RBM19: variants seen among roughly 807,000 people sequenced by gnomAD.
The protein encoded by RBM19 is RNA binding motif protein 19.
RBM19 carries 94 observed loss-of-function variants against 116.8 expected under a neutral mutation model. That is an observed-to-expected ratio of 0.80 (90% CI 0.68 to 0.95). RBM19 has a LOEUF of 0.95. Ranked by LOEUF, RBM19 falls within the 40% of genes least tolerant of loss-of-function variation. The pLI is 0.00. For missense variants in RBM19, 1,161 were observed against 1,220.7 expected, an observed-to-expected ratio of 0.95 and a Z score of 0.73; for synonymous variants, 475 against 494.1, an observed-to-expected ratio of 0.96 and a Z score of 0.51.
At chr12:113,840,887 T>C (rs1248085352) in intron 23 of RBM19, among the ~76,000 whole-genome samples, 6 of 152,244 alleles carry the variant, frequency 3.9e-5, no homozygotes, top group Non-Finnish European at 7.3e-5. Flanking sequence ...TGTTGCTCCA[T>C]GGGCACTGCC....
At chr12:113,920,486 A>G (rs1274107966) in intron 19 of RBM19, 125 bp downstream of exon 19, 1 of 883,422 alleles carries the variant, frequency 1.1e-6, no homozygotes. Flanking sequence ...GAGATCTGGG[A>G]AAAGCAATGG....
chr12:113,876,545 C>A (rs903398805), intron 21 of RBM19, among the ~76,000 whole-genome samples: 1 of 152,116 alleles, frequency 6.6e-6, no homozygotes, highest in Non-Finnish European at 1.5e-5. Flanking sequence ...AATCCCAGCA[C>A]TTTGGGAGGC....
chr12:113,947,493 G>C (rs1231619718), intron 10 of RBM19, 29 bp from the exon 11 acceptor site: 2 of 1,572,584 alleles, frequency 1.3e-6, no homozygotes, highest in East Asian at 2.3e-5. Flanking sequence ...TCGGTCTCTG[G>C]TAGGCCGCAG....
intron 23 of RBM19, among the ~76,000 whole-genome samples, chr12:113,841,009 C>T (rs1169399855): frequency 2.0e-5 from 3 of 152,188 alleles, no homozygotes; most frequent in Admixed American, 6.5e-5. Flanking sequence ...GGGAAGGGTT[C>T]GTTAGTGCTC....
intron 20 of RBM19, among the ~76,000 whole-genome samples, chr12:113,915,944 C>A (rs1301064810): frequency 2.0e-5 from 3 of 152,210 alleles, no homozygotes; most frequent in African/African-American, 7.2e-5. Context: ...AAAATGGCAG[C>A]CCCCTCACCC....
intron 21 of RBM19, among the ~76,000 whole-genome samples, chr12:113,909,130 C>T (rs932304238): frequency 6.6e-6 from 1 of 152,034 alleles, no homozygotes; most frequent in Non-Finnish European, 1.5e-5. Context: ...TCATTTTATT[C>T]TATTTTTTTA....
intron 21 of RBM19, among the ~76,000 whole-genome samples, chr12:113,907,445 A>G (rs1256441139): frequency 6.6e-6 from 1 of 152,148 alleles, no homozygotes; most frequent in Non-Finnish European, 1.5e-5. Flanking sequence ...TGCAGAGGAG[A>G]CAGGAGGCAC....
chr12:113,907,129 G>A (rs1882105958), intron 21 of RBM19, among the ~76,000 whole-genome samples: 1 of 150,342 alleles, frequency 6.7e-6, no homozygotes, highest in African/African-American at 2.5e-5. Flanking sequence ...CATGTCTGCT[G>A]TTTAAGACCC....
In RBM19 at chr12:113,942,420, G is replaced by A. The variant is rs753304291; in HGVS notation, c.1641C>T (p.Ser547=). 2.4e-5 allele frequency: 38 copies of A among 1,606,572 alleles called. No homozygotes were observed. In the Admixed American group the frequency reaches 3.0e-4, roughly 13 times the overall value. ...CCCCCAGAGCCACGCGCACGGCCAC[G>A]CTGCCCTTGGTCTCCTGTGGAAGAG... ...SQVFDHETKG[S]VAVRVALGET... The change falls in exon 14 of 24, where the codon AGC becomes AGT. Residue 547 remains serine (S), a synonymous_variant. Transcript: ENST00000261741.
intron 17 of RBM19, among the ~76,000 whole-genome samples, chr12:113,926,339 C>T (rs2135876988): frequency 6.6e-6 from 1 of 152,324 alleles, no homozygotes; most frequent in Admixed American, 6.5e-5. Flanking sequence ...TGATGGCGAT[C>T]AGCCTGCTGT....
downstream of RBM19, chr12:113,817,987 G>C (rs1416830942): frequency 2.0e-5 from 3 of 152,112 alleles, no homozygotes; most frequent in African/African-American, 7.2e-5. Flanking sequence ...CCCACACTTT[G>C]GGAGGCCGAG....
At chr12:113,826,854 T>C (rs1197460353) in intron 23 of RBM19, among the ~76,000 whole-genome samples, 1 of 152,114 alleles carries the variant, frequency 6.6e-6, no homozygotes, top group Non-Finnish European at 1.5e-5. Context: ...CGGGGGCTCT[T>C]ACGCGGAGCC....
intron 21 of RBM19, among the ~76,000 whole-genome samples, chr12:113,861,031 A>G (rs1244591020): frequency 6.6e-6 from 1 of 152,250 alleles, no homozygotes; most frequent in Non-Finnish European, 1.5e-5. Context: ...TGTTAGCCTT[A>G]TCATTCCCAT....
chr12:113,922,123 C>T (rs1433812473), intron 18 of RBM19, among the ~76,000 whole-genome samples: 2 of 152,212 alleles, frequency 1.3e-5, no homozygotes, highest in Non-Finnish European at 2.9e-5. Flanking sequence ...GTGGCTCCAA[C>T]TCTCAGCTGA....
At position 113,841,836 on chromosome 12, in the gene RBM19, T is replaced by C. The variant is rs561253894; in HGVS notation, c.2785+2832A>G. ...TCAAGTCTGAGCTCTGCCACTTCCT[T>C]GCTGAGTAGACATAGCACTGCCTAC... is the stretch of plus-strand genomic sequence containing the variant. On this transcript the variant is annotated intron_variant, in intron 23 of 23. Coordinates refer to ENST00000261741, the MANE Select transcript of RBM19 (RefSeq NM_016196.4). 2.6e-5 allele frequency among the ~76,000 whole-genome samples: 4 copies of C among 152,318 alleles called. No homozygotes were observed. The South Asian group carries it at 8.3e-4, about 32-fold the overall frequency.
At chr12:113,820,921 T>G (rs183813748), downstream of RBM19, among the ~76,000 whole-genome samples, 885 of 152,290 alleles carry the variant, frequency 5.8e-3, 11 homozygotes, top group African/African-American at 0.02. Context: ...AGCTTTCTTT[T>G]GGCCACAGGG....
At chr12:113,864,756 C>T (rs1017296176) in intron 21 of RBM19, among the ~76,000 whole-genome samples, 3 of 152,216 alleles carry the variant, frequency 2.0e-5, no homozygotes, top group African/African-American at 7.2e-5. Context: ...GAGATACATA[C>T]AAACTAAAGC....
At chr12:113,885,582 A>T (rs1880457795) in intron 21 of RBM19, among the ~76,000 whole-genome samples, 1 of 152,206 alleles carries the variant, frequency 6.6e-6, no homozygotes, top group African/African-American at 2.4e-5. Context: ...CCTGGTTTTG[A>T]TAACTGTACT....
intron 22 of RBM19, among the ~76,000 whole-genome samples, chr12:113,851,148 C>T (rs1206342157): frequency 6.6e-6 from 1 of 152,210 alleles, no homozygotes; most frequent in African/African-American, 2.4e-5. Context: ...AAGCTCCCTG[C>T]ACAATCTTGG....
Sources: gnomAD v4.1 joint callset for allele counts (sites outside exome capture counted in the v4.1 genomes callset) on GRCh38, gnomAD v4.1.1 for gene constraint, MANE v1.5 for transcripts, NCBI Gene and HGNC (gene_info 2026-07-23, HGNC 2026-07-21) for gene names.